The following GPC3 variants were observed in gnomAD, a reference collection of about 807,000 sequenced individuals.
The protein encoded by GPC3 is glypican 3.
In GPC3, 3 loss-of-function variants were observed where a neutral mutation model predicts 34.4. That is an observed-to-expected ratio of 0.09 (90% CI 0.04 to 0.23). GPC3 has a LOEUF of 0.23. Ranked by LOEUF, GPC3 falls within the 10% of genes least tolerant of loss-of-function variation. GPC3 has a pLI of 1.00. For missense variants in GPC3, 351 were observed against 445.6 expected (o/e 0.79, Z 1.91); for synonymous variants, 177 against 174.0 (o/e 1.02, Z -0.13).
chrX:133,845,071 TAGG>T (rs1262656490), intron 2 of GPC3, among the ~76,000 whole-genome samples: 1 of 111,066 alleles, frequency 9.0e-6, no homozygotes, highest in Non-Finnish European at 1.9e-5. Context: ...TTGGTGGGAG[TAGG>T]AAGCTACCTT....
At chrX:133,813,130 C>T (rs1472061441) in intron 2 of GPC3, among the ~76,000 whole-genome samples, 1 of 112,443 alleles carries the variant, frequency 8.9e-6, no homozygotes, top group African/African-American at 3.2e-5. Context: ...CAAATCTTGC[C>T]CCATGGGCCA....
intron 1 of GPC3, among the ~76,000 whole-genome samples, chrX:133,978,561 C>A (rs951547958): frequency 1.8e-5 from 2 of 111,477 alleles, no homozygotes; most frequent in Non-Finnish European, 3.8e-5. Flanking sequence ...AAACTAATAT[C>A]CTTTATCACT....
intron 2 of GPC3, among the ~76,000 whole-genome samples, chrX:133,931,350 T>A (rs1289747434): frequency 9.0e-6 from 1 of 111,269 alleles, no homozygotes; most frequent in Non-Finnish European, 1.9e-5. Flanking sequence ...TCTTAAAACC[T>A]GACAGATGTT....
At chrX:133,745,349 G>A (rs956268655) in intron 3 of GPC3, among the ~76,000 whole-genome samples, 4 of 111,911 alleles carry the variant, frequency 3.6e-5, no homozygotes, top group African/African-American at 1.3e-4. Flanking sequence ...CTACCACTCT[G>A]TGGTCATCAC....
chrX:133,538,803 G>C (rs1196722736), intron 7 of GPC3, among the ~76,000 whole-genome samples: 1 of 103,355 alleles, frequency 9.7e-6, no homozygotes, highest in Non-Finnish European at 2.0e-5. Context: ...CAAGTAGCTG[G>C]GGCCATGGCA....
chrX:133,832,617 G>T (rs143436776), intron 2 of GPC3, among the ~76,000 whole-genome samples: 1 of 111,215 alleles, frequency 9.0e-6, no homozygotes, highest in African/African-American at 3.3e-5. Flanking sequence ...AACACAGGTG[G>T]CTGGTCTCTC....
chrX:133,863,946 C>T (rs1265254505), intron 2 of GPC3, among the ~76,000 whole-genome samples: 1 of 111,221 alleles, frequency 9.0e-6, no homozygotes, highest in Non-Finnish European at 1.9e-5. Flanking sequence ...TGAGCCACCG[C>T]GCCCGGCCAA....
intron 6 of GPC3, among the ~76,000 whole-genome samples, chrX:133,644,441 A>C (rs2124383770): frequency 8.9e-6 from 1 of 112,318 alleles, no homozygotes; most frequent in Admixed American, 9.5e-5. Flanking sequence ...TATAATTAAC[A>C]GTGGATATTA....
chrX:133,691,251 C>A (rs1389165021), intron 5 of GPC3, among the ~76,000 whole-genome samples: 1 of 111,146 alleles, frequency 9.0e-6, no homozygotes, highest in East Asian at 2.8e-4. Flanking sequence ...GTAATTTCAG[C>A]ACTTTGGGAG....
chrX:133,889,831 C>CT (rs781203121), intron 2 of GPC3, among the ~76,000 whole-genome samples: 1,788 of 75,650 alleles, frequency 0.024, 23 homozygotes, highest in Non-Finnish European at 0.031. Context: ...TTCTAGCCTT[C>CT]TTTTTTTTTT....
chrX:133,872,475 C>T (rs1379982196), intron 2 of GPC3, among the ~76,000 whole-genome samples: 1 of 111,438 alleles, frequency 9.0e-6, no homozygotes, highest in Non-Finnish European at 1.9e-5. Flanking sequence ...ACAAACAGTG[C>T]TGGAGCTTGG....
intron 5 of GPC3, among the ~76,000 whole-genome samples, chrX:133,679,781 G>A (rs1208736517): frequency 9.0e-6 from 1 of 110,909 alleles, no homozygotes; most frequent in African/African-American, 3.3e-5. Context: ...CACCCTCTCG[G>A]ATAATTGAAA....
chrX:133,838,420 A>T (rs2075808988), intron 2 of GPC3, among the ~76,000 whole-genome samples: 1 of 112,239 alleles, frequency 8.9e-6, no homozygotes, highest in Non-Finnish European at 1.9e-5. Flanking sequence ...TGTGATGTGA[A>T]CCTCATACTG....
At chrX:133,846,617 T>G (rs1274598083) in intron 2 of GPC3, among the ~76,000 whole-genome samples, 2 of 111,614 alleles carry the variant, frequency 1.8e-5, no homozygotes, top group Non-Finnish European at 3.8e-5. Context: ...ATATCCAACA[T>G]GAAAAGGCAG....
chrX:133,733,698 AAG>A (rs1347442462), intron 3 of GPC3, among the ~76,000 whole-genome samples: 2 of 111,295 alleles, frequency 1.8e-5, no homozygotes, highest in Non-Finnish European at 3.8e-5. Flanking sequence ...TCAGGAATGA[AAG>A]AGGGGGGACA....
rs2076308941 is a variant in GPC3 at position 133,933,747 on chromosome X, C to T, written c.337+19303G>A. On this transcript the variant is annotated intron_variant, in intron 2 of 7. Transcript: ENST00000370818. ...CGGCACGTGATGTTGCAAGCTCCTG[C>T]TTCACCTTCCACCATGAGTAAAAGC... Among the ~76,000 whole-genome samples, 7 of 110,600 alleles carry T rather than the reference C, an allele frequency of 6.3e-5. 1 individual carries two copies. The South Asian group carries it at 2.7e-3, about 43-fold the overall frequency.
intron 2 of GPC3, among the ~76,000 whole-genome samples, chrX:133,768,416 G>A (rs1426873316): frequency 9.0e-6 from 1 of 110,907 alleles, no homozygotes; most frequent in East Asian, 2.8e-4. Flanking sequence ...CAAAACTAGA[G>A]TATATACATA....
At chrX:133,859,309 C>G (rs2075924233) in intron 2 of GPC3, among the ~76,000 whole-genome samples, 1 of 110,690 alleles carries the variant, frequency 9.0e-6, no homozygotes, top group Admixed American at 9.6e-5. Context: ...GGGTGCTGAG[C>G]CAGTCTTCCT....
chrX:133,906,970 G>A lies in GPC3; in HGVS notation c.337+46080C>T, dbSNP rs927421430. Among the ~76,000 whole-genome samples the A allele has an allele frequency of 8.2e-5, 9 of 109,603 alleles. 2 individuals are homozygous for A. Among genetic ancestry groups the A allele is most frequent in the Admixed American group, 9.7e-5 (1 of 10,274 alleles). ...AAAAAAATTAGCTGGGCGTGGTGGC[G>A]GGCGCCTGTAGTCCCAGCTACTCGG... is the stretch of plus-strand genomic sequence containing the variant. On this transcript the variant is annotated intron_variant, in intron 2 of 7. Coordinates refer to ENST00000370818, the MANE Select transcript of GPC3 (RefSeq NM_004484.4).
Sources: gnomAD v4.1 joint callset for allele counts (sites outside exome capture counted in the v4.1 genomes callset) on GRCh38, gnomAD v4.1.1 for gene constraint, MANE v1.5 for transcripts, NCBI Gene and HGNC (gene_info 2026-07-23, HGNC 2026-07-21) for gene names.